Variants in RANBP2 observed in about 807,000 individuals in gnomAD.
The protein encoded by RANBP2 is RAN binding protein 2.
In RANBP2, 57 loss-of-function variants were observed where a neutral mutation model predicts 303.6. That is an observed-to-expected ratio of 0.19 (90% CI 0.15 to 0.23). The LOEUF (loss-of-function observed/expected upper bound fraction) is 0.23. Among genes scored for constraint, RANBP2 ranks in the 10% least tolerant of loss-of-function variants. The pLI is 1.00. For synonymous variants in RANBP2, 1,167 were observed against 1,301.5 expected, an observed-to-expected ratio of 0.90 and a Z score of 2.23; for missense variants, 3,138 against 3,780.8, an observed-to-expected ratio of 0.83 and a Z score of 4.46.
chr2:109,476,883 G>T, the RANBP2 span, among the ~76,000 whole-genome samples: 1 of 152,190 alleles, frequency 6.6e-6, no homozygotes, highest in African/African-American at 2.4e-5. Context: ...CATTGCTGTG[G>T]CATTTGTAGA....
the RANBP2 span, among the ~76,000 whole-genome samples, chr2:109,538,794 C>T: frequency 1.3e-5 from 2 of 152,220 alleles, no homozygotes; most frequent in African/African-American, 4.8e-5. Flanking sequence ...GCTGGAATTA[C>T]AGGCATGAGC....
chr2:108,780,361 T>TTTTC (rs1678164718), intron 25 of RANBP2, among the ~76,000 whole-genome samples: 1 of 129,886 alleles, frequency 7.7e-6, no homozygotes, highest in Non-Finnish European at 1.6e-5. Context: ...CCCGGCTAAT[T>TTTTC]TTTTTTTTTT....
chr2:109,255,698 A>G, the RANBP2 span, among the ~76,000 whole-genome samples: 3,027 of 152,320 alleles, frequency 0.02, 108 homozygotes, highest in African/African-American at 0.069. Flanking sequence ...TGTGGAGGAC[A>G]CTGGGGTGAT....
chr2:108,772,528 A>T lies in RANBP2; in HGVS notation c.8060A>T (p.Lys2687Ile), dbSNP rs773902761. 4.3e-6 allele frequency: 7 copies of T among 1,613,856 alleles called. No individual in the cohort carries two copies. In the Admixed American group the frequency reaches 1.2e-4, roughly 27 times the overall value. ...ACAGCTGTCAAGAAACTTAATGGAA[A>T]ACTATATTTGGATGGCTCAGAAAAA... ...FETAVKKLNG[K>I]LYLDGSEKCR... The change falls in exon 22 of 29, where the codon AAA (lysine) becomes ATA (isoleucine). Residue 2687 changes from lysine (K) to isoleucine (I), a missense_variant. By Grantham distance (102) the Lys-to-Ile change is moderately radical. Around this residue, in one of 20 missense-constraint regions of RANBP2, gnomAD observed 497 missense variants for 465.8 expected, o/e 1.07. Coordinates refer to ENST00000283195, the MANE Select transcript of RANBP2 (RefSeq NM_006267.5).
At chr2:108,726,968 A>G (rs1694766682) in intron 1 of RANBP2, among the ~76,000 whole-genome samples, 1 of 152,192 alleles carries the variant, frequency 6.6e-6, no homozygotes, top group African/African-American at 2.4e-5. Context: ...ACAGATCAAC[A>G]AGATCCCAAG....
the RANBP2 span, among the ~76,000 whole-genome samples, chr2:109,104,230 C>A: frequency 2.0e-5 from 3 of 152,006 alleles, no homozygotes; most frequent in Non-Finnish European, 2.9e-5. Flanking sequence ...TGATGTTATA[C>A]CACAGTCATG....
chr2:108,874,831 C>A, the RANBP2 span, among the ~76,000 whole-genome samples: 3 of 152,208 alleles, frequency 2.0e-5, no homozygotes, highest in African/African-American at 7.2e-5. Flanking sequence ...CAGTAAATTC[C>A]TAGTAAGGCC....
At chr2:109,280,217 G>C in the RANBP2 span, among the ~76,000 whole-genome samples, 25 of 152,340 alleles carry the variant, frequency 1.6e-4, no homozygotes, top group East Asian at 1.2e-3. Flanking sequence ...GTGGCACACA[G>C]AACACCTGGC....
the RANBP2 span, among the ~76,000 whole-genome samples, chr2:109,284,559 T>C: frequency 1.3e-5 from 2 of 152,340 alleles, no homozygotes; most frequent in Middle Eastern, 3.4e-3. Context: ...GTTTGAATTA[T>C]GTGTGGAGCA....
At chr2:108,841,108 T>C in the RANBP2 span, among the ~76,000 whole-genome samples, 1 of 152,292 alleles carries the variant, frequency 6.6e-6, no homozygotes, top group African/African-American at 2.4e-5. Context: ...AGTACTGGGA[T>C]TACAGGTGTG....
the RANBP2 span, among the ~76,000 whole-genome samples, chr2:109,506,416 C>T: frequency 6.6e-6 from 1 of 152,218 alleles, no homozygotes. Flanking sequence ...GTGGCCATGG[C>T]ACAAGACATT....
the RANBP2 span, among the ~76,000 whole-genome samples, chr2:109,671,292 G>A: frequency 9.2e-5 from 14 of 151,890 alleles, no homozygotes; most frequent in Non-Finnish European, 2.9e-5. Context: ...GCCAGCTGCA[G>A]CCAGGGCAGG....
chr2:108,786,637 A>T, downstream of RANBP2: 1 of 623,406 alleles, frequency 1.6e-6, no homozygotes, highest in Non-Finnish European at 2.9e-6. Flanking sequence ...TGCTAGCACG[A>T]GAAACTTGGA....
At chr2:109,045,302 G>T in the RANBP2 span, among the ~76,000 whole-genome samples, 7 of 152,262 alleles carry the variant, frequency 4.6e-5, no homozygotes, top group East Asian at 1.2e-3. Flanking sequence ...ATACAGATAG[G>T]TCACAAAACA....
the RANBP2 span, among the ~76,000 whole-genome samples, chr2:109,591,096 T>C: frequency 6.6e-6 from 1 of 152,226 alleles, no homozygotes; most frequent in African/African-American, 2.4e-5. Context: ...TATATTCTCT[T>C]TTGTGCCATT....
the RANBP2 span, among the ~76,000 whole-genome samples, chr2:109,008,240 G>C: frequency 6.6e-6 from 1 of 152,182 alleles, no homozygotes. Context: ...TAAGCTCCTT[G>C]AGGTCAGGAT....
chr2:109,498,226 A>G, the RANBP2 span, among the ~76,000 whole-genome samples: 7 of 152,116 alleles, frequency 4.6e-5, no homozygotes, highest in Non-Finnish European at 1.0e-4. Context: ...CAGTCCAACC[A>G]TCGTGCACCC....
chr2:109,068,489 CA>C, the RANBP2 span, among the ~76,000 whole-genome samples: 1 of 152,250 alleles, frequency 6.6e-6, no homozygotes, highest in Non-Finnish European at 1.5e-5. Context: ...GGCTTGACAT[CA>C]CGGATGCCCA....
chr2:109,427,266 G>C, the RANBP2 span, among the ~76,000 whole-genome samples: 1 of 152,074 alleles, frequency 6.6e-6, no homozygotes, highest in Admixed American at 6.5e-5. Flanking sequence ...ACCGTGCCTG[G>C]ACAAAGAAAA....
Sources: gnomAD v4.1 joint callset for allele counts (sites outside exome capture counted in the v4.1 genomes callset) on GRCh38, gnomAD v4.1.1 for gene constraint, gnomAD v4.1.1 regional missense constraint, MANE v1.5 for transcripts, NCBI Gene and HGNC (gene_info 2026-07-23, HGNC 2026-07-21) for gene names.